Variants in ATP2B1 observed in about 807,000 individuals in gnomAD.
ATP2B1 encodes plasma membrane calcium-transporting ATPase 1.
Under a neutral mutation model 124.2 loss-of-function variants are expected in ATP2B1, and 14 were observed. The ratio of observed to expected loss-of-function variants is 0.11; its 90% CI spans 0.07 to 0.18. The LOEUF (loss-of-function observed/expected upper bound fraction) is 0.18. ATP2B1 is among the 10% of genes least tolerant of loss of function. ATP2B1 has a pLI of 1.00. For missense variants in ATP2B1, 763 were observed against 1,466.1 expected (o/e 0.52, Z 7.83); for synonymous variants, 449 against 492.4 (o/e 0.91, Z 1.17).
At chr12:89,683,018 G>C (rs1030554159) in intron 1 of ATP2B1, among the ~76,000 whole-genome samples, 3 of 152,134 alleles carry the variant, frequency 2.0e-5, no homozygotes, top group African/African-American at 4.8e-5. Context: ...AAGAATGATT[G>C]AAAGCCATAG....
At chr12:89,595,041 C>T (rs1178963432) in intron 20 of ATP2B1, among the ~76,000 whole-genome samples, 3 of 151,960 alleles carry the variant, frequency 2.0e-5, no homozygotes, top group Admixed American at 6.6e-5. Flanking sequence ...AAAAGGAGAC[C>T]CACCTGTGTA....
At chr12:89,661,577 T>A (rs536271716) in intron 1 of ATP2B1, among the ~76,000 whole-genome samples, 98 of 152,356 alleles carry the variant, frequency 6.4e-4, no homozygotes, top group Non-Finnish European at 1.2e-3. Context: ...ATCCAAGTTT[T>A]AAGGAGGCTA....
intron 20 of ATP2B1, among the ~76,000 whole-genome samples, chr12:89,595,792 C>G (rs1161346598): frequency 1.3e-5 from 2 of 152,026 alleles, no homozygotes; most frequent in African/African-American, 4.8e-5. Context: ...ATAATGACAA[C>G]TGTATTAACG....
At chr12:89,675,028 G>C (rs561741157) in intron 1 of ATP2B1, among the ~76,000 whole-genome samples, 33 of 152,248 alleles carry the variant, frequency 2.2e-4, no homozygotes, top group African/African-American at 7.9e-4. Flanking sequence ...AGCTCTTACA[G>C]GTATTTCAGA....
chr12:89,677,971 T>TATATATATATATATACACAC (rs1461216851), intron 1 of ATP2B1, among the ~76,000 whole-genome samples: 9 of 52,310 alleles, frequency 1.7e-4, no homozygotes, highest in African/African-American at 5.6e-4. Flanking sequence ...TATATATATA[T>TATATATATATATATACACAC]ACACACACAC....
intron 2 of ATP2B1, among the ~76,000 whole-genome samples, chr12:89,650,456 G>A (rs909611093): frequency 1.3e-5 from 2 of 152,128 alleles, no homozygotes; most frequent in Non-Finnish European, 1.5e-5. Flanking sequence ...TGCCCTCAAA[G>A]AGCTCATAGT....
chr12:89,644,759 A>C (rs1192604783), intron 2 of ATP2B1, among the ~76,000 whole-genome samples: 3 of 152,190 alleles, frequency 2.0e-5, no homozygotes, highest in African/African-American at 7.2e-5. Flanking sequence ...CTGTATAAAG[A>C]CTACCATTAA....
intron 1 of ATP2B1, among the ~76,000 whole-genome samples, chr12:89,674,277 T>C (rs187512618): frequency 2.3e-4 from 34 of 150,226 alleles, no homozygotes; most frequent in African/African-American, 8.3e-4. Flanking sequence ...TTATTATTCA[T>C]AGTTCAGTAA....
chr12:89,662,670 C>A (rs1592906837), intron 1 of ATP2B1, among the ~76,000 whole-genome samples: 3 of 152,156 alleles, frequency 2.0e-5, no homozygotes, highest in African/African-American at 7.2e-5. Context: ...TTTTATAGAG[C>A]TGATAAAGCA....
intron 1 of ATP2B1, among the ~76,000 whole-genome samples, chr12:89,706,581 A>AT (rs559704097): frequency 6.6e-6 from 1 of 152,212 alleles, no homozygotes; most frequent in Non-Finnish European, 1.5e-5. Context: ...CCAAGCTTCA[A>AT]TAAAAAAAAG....
intron 8 of ATP2B1, among the ~76,000 whole-genome samples, chr12:89,624,657 T>C (rs923945306): frequency 6.6e-6 from 1 of 152,192 alleles, no homozygotes. Flanking sequence ...TCTTTGGCCT[T>C]GTACTGAAAC....
chr12:89,674,489 C>G (rs1385604924), intron 1 of ATP2B1, among the ~76,000 whole-genome samples: 1 of 152,146 alleles, frequency 6.6e-6, no homozygotes, highest in Admixed American at 6.5e-5. Context: ...AGTACTACCT[C>G]TGGCTTGCTG....
At chr12:89,634,926 C>T (rs753593378) in intron 4 of ATP2B1, 23 bp from the exon 5 acceptor site, 1 of 1,610,834 alleles carries the variant, frequency 6.2e-7, no homozygotes, top group African/African-American at 1.3e-5. Flanking sequence ...GCATGATATA[C>T]TAAACTTATA....
chr12:89,701,873 A>G (rs1891893636), intron 1 of ATP2B1, among the ~76,000 whole-genome samples: 1 of 146,332 alleles, frequency 6.8e-6, no homozygotes, highest in Non-Finnish European at 1.5e-5. Context: ...AGGTGAGAGG[A>G]AAAACACATA....
intron 15 of ATP2B1, among the ~76,000 whole-genome samples, chr12:89,605,257 T>C (rs1876607539): frequency 6.6e-6 from 1 of 152,158 alleles, no homozygotes; most frequent in Non-Finnish European, 1.5e-5. Context: ...CTCACGAACC[T>C]TGCCACGAGC....
chr12:89,667,189 G>A (rs931289767), intron 1 of ATP2B1, among the ~76,000 whole-genome samples: 2 of 152,072 alleles, frequency 1.3e-5, no homozygotes, highest in South Asian at 4.1e-4. Context: ...TCTCTATGAA[G>A]AGCCATCTTC....
At chr12:89,676,939 C>T (rs897604329) in intron 1 of ATP2B1, among the ~76,000 whole-genome samples, 9 of 152,026 alleles carry the variant, frequency 5.9e-5, no homozygotes, top group Admixed American at 5.3e-4. Context: ...ATTCTTTCCT[C>T]AGAAGAAAAC....
chr12:89,669,200 C>G (rs924259097), intron 1 of ATP2B1, among the ~76,000 whole-genome samples: 6 of 152,088 alleles, frequency 3.9e-5, no homozygotes, highest in Non-Finnish European at 8.8e-5. Context: ...AAGCTGAGGG[C>G]AGGATGGTCT....
intron 1 of ATP2B1, among the ~76,000 whole-genome samples, chr12:89,696,635 G>C (rs1047074661): frequency 2.0e-5 from 3 of 152,134 alleles, no homozygotes; most frequent in African/African-American, 7.2e-5. Flanking sequence ...GATTATGAGT[G>C]ATTTGTTTCA....
Sources: allele counts gnomAD v4.1 joint callset (sites outside exome capture counted in the v4.1 genomes callset), GRCh38; gene constraint gnomAD v4.1.1; transcripts MANE v1.5; gene names NCBI Gene and HGNC (gene_info 2026-07-23, HGNC 2026-07-21).